TOX2: variants seen among roughly 807,000 people sequenced by gnomAD.
TOX2 encodes TOX high mobility group box family member 2.
Under a neutral mutation model 47.4 loss-of-function variants are expected in TOX2, and 15 were observed. The observed-to-expected ratio is 0.32, with a 90% CI of 0.21 to 0.49. TOX2 has a LOEUF of 0.49. Among genes scored for constraint, TOX2 ranks in the 20% least tolerant of loss-of-function variants. TOX2 has a pLI of 0.99. For synonymous variants in TOX2, 290 were observed against 296.6 expected (o/e 0.98, Z 0.23); for missense variants, 622 against 673.1 (o/e 0.92, Z 0.84).
intron 7 of TOX2, among the ~76,000 whole-genome samples, 159 bp downstream of exon 7, chr20:44,066,266 T>C (rs1248640980): frequency 6.6e-6 from 1 of 152,232 alleles, no homozygotes. Context: ...GAAGTGGGTC[T>C]CGCACACCTT....
intron 2 of TOX2, among the ~76,000 whole-genome samples, chr20:43,991,391 AT>A (rs1302367268): frequency 1.3e-5 from 2 of 152,178 alleles, no homozygotes; most frequent in Non-Finnish European, 2.9e-5. Flanking sequence ...TCCAAAACAT[AT>A]TTACTAAGCA....
intron 2 of TOX2, among the ~76,000 whole-genome samples, chr20:43,988,806 C>A (rs1407380303): frequency 2.6e-5 from 4 of 152,136 alleles, no homozygotes; most frequent in Admixed American, 2.6e-4. Context: ...CAGGGATATA[C>A]ACACACACAC....
intron 1 of TOX2, among the ~76,000 whole-genome samples, chr20:43,957,460 C>A (rs1367083060): frequency 2.6e-5 from 4 of 152,136 alleles, no homozygotes; most frequent in African/African-American, 9.7e-5. Flanking sequence ...CTTGTTTTTT[C>A]CTCTGTAAAA....
chr20:43,939,838 T>C (rs73118242), intron 1 of TOX2, among the ~76,000 whole-genome samples: 1,663 of 152,334 alleles, frequency 0.011, 17 homozygotes, highest in South Asian at 0.021. Context: ...AGATGCTTAC[T>C]AAGCACCCCA....
chr20:44,031,457 A>G (rs1282956900), intron 3 of TOX2, among the ~76,000 whole-genome samples: 1 of 152,118 alleles, frequency 6.6e-6, no homozygotes, highest in Non-Finnish European at 1.5e-5. Context: ...AGCTCATTCC[A>G]TCTGTTTGTC....
At position 44,065,957 on chromosome 20, in the gene TOX2, G is replaced by A. The variant is rs1409497479; in HGVS notation, c.1206G>A (p.Leu402=). The change falls in exon 7 of 9, where the codon CTG becomes CTA. Residue 402 remains leucine (L), a synonymous_variant. Transcript: ENST00000341197. ...CCTCCTTCCCGCTCAGCCCCACACT[G>A]CACCAGCAGCTGTCACTGCCCCCTC... ...PPPSFPLSPT[L]HQQLSLPPHA... is the part of the protein sequence containing the mutation. 1.9e-6 allele frequency: 3 copies of A among 1,613,230 alleles called. No homozygotes were observed. Among genetic ancestry groups the A allele is most frequent in the East Asian group, 2.2e-5 (1 of 44,872 alleles).
At chr20:44,035,466 C>T (rs1010091361) in intron 3 of TOX2, among the ~76,000 whole-genome samples, 2 of 152,094 alleles carry the variant, frequency 1.3e-5, no homozygotes, top group Admixed American at 6.5e-5. Flanking sequence ...CGGTGGCCGC[C>T]GCCTTCTGCA....
At chr20:43,926,423 G>A (rs1388262234) in intron 1 of TOX2, among the ~76,000 whole-genome samples, 1 of 152,164 alleles carries the variant, frequency 6.6e-6, no homozygotes, top group Non-Finnish European at 1.5e-5. Context: ...CTTTGGACCT[G>A]TCACTTAGCC....
chr20:43,952,301 G>A (rs1356787136), intron 1 of TOX2, among the ~76,000 whole-genome samples: 6 of 152,214 alleles, frequency 3.9e-5, no homozygotes, highest in African/African-American at 1.4e-4. Flanking sequence ...GCCCCCCAAA[G>A]CTCTGGAATT....
At chr20:44,053,551 C>CATATACACACACATATATACATACAT (rs1569139307) in intron 4 of TOX2, among the ~76,000 whole-genome samples, 24 of 75,338 alleles carry the variant, frequency 3.2e-4, no homozygotes, top group African/African-American at 8.6e-4. Flanking sequence ...TATATATATA[C>CATATACACACACATATATACATACAT]ATATATACTA....
chr20:44,024,465 T>C lies in TOX2; in HGVS notation c.411+17673T>C, dbSNP rs1600750345. ...TTTACATTTTTTATTTTGAATTCTT[T>C]AGTTCATTTACTTTTATTGTTTATT... On this transcript the variant is annotated intron_variant, in intron 3 of 8. Transcript: ENST00000341197. 2.0e-5 allele frequency among the ~76,000 whole-genome samples: 3 copies of C among 152,186 alleles called. No individual in the cohort carries two copies. In the East Asian group the frequency reaches 5.8e-4, roughly 29 times the overall value.
chr20:43,963,836 A>T (rs2069803884), intron 1 of TOX2, among the ~76,000 whole-genome samples: 1 of 152,314 alleles, frequency 6.6e-6, no homozygotes, highest in South Asian at 2.1e-4. Flanking sequence ...GGGCACAGGC[A>T]TCGAGGGTCT....
At chr20:44,036,574 G>A (rs1422729430) in intron 3 of TOX2, among the ~76,000 whole-genome samples, 4 of 152,228 alleles carry the variant, frequency 2.6e-5, no homozygotes, top group Admixed American at 2.6e-4. Flanking sequence ...TTCTACCATC[G>A]CTTCTACTTA....
At chr20:43,928,997 A>AAAAAAAAACAAC (rs540054093) in intron 1 of TOX2, among the ~76,000 whole-genome samples, 4 of 149,546 alleles carry the variant, frequency 2.7e-5, no homozygotes, top group African/African-American at 1.0e-4. Context: ...AAAAAAAAAA[A>AAAAAAAAACAAC]AACAACAACA....
rs2069061848 is a variant in TOX2 at position 43,916,987 on chromosome 20, G to C, written c.99+1997G>C. Among the ~76,000 whole-genome samples the C allele has an allele frequency of 6.6e-6, 1 of 151,202 alleles. No individual in the cohort carries two copies. The highest frequency in any genetic ancestry group is 6.6e-5 in the Admixed American group (1 of 15,192). ...GTCAGGGAGGGAATGAGAAGCCGGC[G>C]ATTCTGGTTTCTTTCTGTGTGGGAT... On this transcript the variant is annotated intron_variant, in intron 1 of 8. Coordinates refer to ENST00000341197, the MANE Select transcript of TOX2 (RefSeq NM_001098797.2). This position sits in a 1 kb window ranked among gnomAD's most constrained non-coding sequence, Gnocchi z 5.0.
intron 2 of TOX2, among the ~76,000 whole-genome samples, chr20:43,995,739 A>T (rs1289533121): frequency 6.6e-6 from 1 of 152,080 alleles, no homozygotes; most frequent in African/African-American, 2.4e-5. Context: ...CTTAGCTCTC[A>T]CTTGTGAGTG....
At chr20:43,937,088 C>T (rs531990106) in intron 1 of TOX2, among the ~76,000 whole-genome samples, 3 of 152,284 alleles carry the variant, frequency 2.0e-5, no homozygotes, top group East Asian at 3.9e-4. Context: ...GAGAGCCACA[C>T]AGGGCCGGGA....
intron 1 of TOX2, among the ~76,000 whole-genome samples, chr20:43,927,552 ATCTTGGC>A (rs11276914): frequency 0.23 from 27,307 of 117,874 alleles, 7,296 homozygotes; most frequent in African/African-American, 0.64. Context: ...CTGGGATCAA[ATCTTGGC>A]TCTTGGCTTT....
chr20:44,068,024 G>A (rs1417788462), intron 8 of TOX2, among the ~76,000 whole-genome samples: 2 of 152,186 alleles, frequency 1.3e-5, no homozygotes, highest in Non-Finnish European at 2.9e-5. Context: ...CACTGAACAA[G>A]TGACCAGCGC....
Sources: allele counts gnomAD v4.1 joint callset (sites outside exome capture counted in the v4.1 genomes callset), GRCh38; gene constraint gnomAD v4.1.1; non-coding constraint Gnocchi (gnomAD v3.1); transcripts MANE v1.5; gene names NCBI Gene and HGNC (gene_info 2026-07-23, HGNC 2026-07-21).